SDK1: variants seen among roughly 807,000 people sequenced by gnomAD.
The protein encoded by SDK1 is sidekick cell adhesion molecule 1, also known as protein sidekick-1.
In SDK1, 157 loss-of-function variants were observed where a neutral mutation model predicts 245.5. That is an observed-to-expected ratio of 0.64 (90% CI 0.56 to 0.73). The LOEUF (loss-of-function observed/expected upper bound fraction) is 0.73, where lower values mean the gene tolerates loss of function less well. SDK1 is among the 30% of genes least tolerant of loss of function. The probability of loss-of-function intolerance (pLI) is 0.00; values close to 1 mark genes in which losing one functional copy is unlikely to be tolerated. For synonymous variants in SDK1, 1,647 were observed against 1,278.5 expected (o/e 1.29, Z -6.15); for missense variants, 3,583 against 3,002.3 (o/e 1.19, Z -4.52).
intron 19 of SDK1, among the ~76,000 whole-genome samples, chr7:4,067,270 G>T (rs1779967204): frequency 6.6e-6 from 1 of 152,194 alleles, no homozygotes; most frequent in East Asian, 1.9e-4. Flanking sequence ...GGGCCGCAGG[G>T]CACAGAAGCT....
intron 13 of SDK1, among the ~76,000 whole-genome samples, chr7:3,979,758 C>A (rs1480885746): frequency 6.6e-6 from 1 of 152,192 alleles, no homozygotes; most frequent in African/African-American, 2.4e-5. Context: ...GAGCCAGTTT[C>A]CAGGATGACT....
chr7:3,664,704 C>G (rs575351130), intron 4 of SDK1, among the ~76,000 whole-genome samples: 1 of 149,602 alleles, frequency 6.7e-6, no homozygotes, highest in Non-Finnish European at 1.5e-5. Flanking sequence ...TGTGCCACTG[C>G]ACTCCAGCCT....
chr7:3,502,084 T>G (rs1309733513), intron 1 of SDK1, among the ~76,000 whole-genome samples: 2 of 152,068 alleles, frequency 1.3e-5, no homozygotes, highest in East Asian at 3.8e-4. Flanking sequence ...TTAATATTAT[T>G]AGTGGGGTTT....
chr7:3,583,215 T>C (rs1487657652), intron 1 of SDK1, among the ~76,000 whole-genome samples: 1 of 152,238 alleles, frequency 6.6e-6, no homozygotes, highest in Non-Finnish European at 1.5e-5. Flanking sequence ...TTATCATTTA[T>C]GCCTGAGAGT....
intron 1 of SDK1, among the ~76,000 whole-genome samples, chr7:3,375,480 C>A (rs1781331961): frequency 6.6e-6 from 1 of 152,182 alleles, no homozygotes; most frequent in Non-Finnish European, 1.5e-5. Context: ...TGTATAGACT[C>A]TCCTTACATG....
chr7:3,838,771 C>G (rs997556392), intron 5 of SDK1, among the ~76,000 whole-genome samples: 2 of 152,166 alleles, frequency 1.3e-5, no homozygotes, highest in African/African-American at 4.8e-5. Flanking sequence ...ACTAGGAGAC[C>G]ATGCAGTGGG....
At chr7:3,352,770 T>C (rs568060288) in intron 1 of SDK1, among the ~76,000 whole-genome samples, 25 of 152,296 alleles carry the variant, frequency 1.6e-4, no homozygotes, top group African/African-American at 5.8e-4. Context: ...GAAACCCTTT[T>C]TTTTTCTCTT....
chr7:3,387,987 C>T (rs1295408990), intron 1 of SDK1, among the ~76,000 whole-genome samples: 1 of 152,174 alleles, frequency 6.6e-6, no homozygotes, highest in African/African-American at 2.4e-5. Context: ...AGTTGTTTAG[C>T]TCCATAGCTC....
intron 19 of SDK1, among the ~76,000 whole-genome samples, chr7:4,065,265 T>G (rs1442338371): frequency 6.6e-6 from 1 of 152,202 alleles, no homozygotes; most frequent in Non-Finnish European, 1.5e-5. Flanking sequence ...CTTTTCTCTT[T>G]AGCTGATGGT....
intron 1 of SDK1, among the ~76,000 whole-genome samples, chr7:3,580,047 C>T (rs1056651080): frequency 1.3e-5 from 2 of 152,112 alleles, no homozygotes; most frequent in African/African-American, 4.8e-5. Context: ...TCTCAATAGC[C>T]ACAAACATAA....
At position 3,754,960 on chromosome 7, in the gene SDK1, C is replaced by T. The variant is rs12113199; in HGVS notation, c.714-66490C>T. 8.3e-3 allele frequency among the ~76,000 whole-genome samples: 1,260 copies of T among 152,188 alleles called. 17 individuals are homozygous for T. The highest frequency in any genetic ancestry group is 0.028 in the African/African-American group (1,181 of 41,506). ...CATTACTGATTACGTCTCACTTGGG[C>T]GATGTTTTATCTAATTTCTGGAAAG... On this transcript the variant is annotated intron_variant, in intron 4 of 44. Transcript: ENST00000404826.
chr7:3,727,974 A>G (rs1197928940), intron 4 of SDK1, among the ~76,000 whole-genome samples: 5 of 152,114 alleles, frequency 3.3e-5, no homozygotes, highest in African/African-American at 4.8e-5. Context: ...AGTTTCTCCA[A>G]CTTTGCTCGT....
At chr7:3,568,914 A>G (rs375353782) in intron 1 of SDK1, among the ~76,000 whole-genome samples, 17 of 152,086 alleles carry the variant, frequency 1.1e-4, no homozygotes, top group Admixed American at 4.6e-4. Context: ...ATTATAGGCA[A>G]TTTGCTTTAG....
At chr7:4,078,971 A>G (rs1780880284) in intron 21 of SDK1, among the ~76,000 whole-genome samples, 1 of 152,124 alleles carries the variant, frequency 6.6e-6, no homozygotes, top group South Asian at 2.1e-4. Flanking sequence ...GTCGCCTGGG[A>G]GCAGGCGATC....
chr7:4,079,638 C>T (rs2128178569), intron 22 of SDK1, 54 bp downstream of exon 22: 3 of 1,604,454 alleles, frequency 1.9e-6, no homozygotes, highest in South Asian at 1.1e-5. Context: ...GTGTTGGGGC[C>T]TGTGAATGAG....
intron 4 of SDK1, among the ~76,000 whole-genome samples, chr7:3,656,839 C>T (rs1033486288): frequency 2.6e-5 from 4 of 152,098 alleles, no homozygotes; most frequent in South Asian, 2.1e-4. Flanking sequence ...GCTCCGCCTC[C>T]CGGGTTCACA....
chr7:3,703,080 AAT>A (rs1400467322), intron 4 of SDK1, among the ~76,000 whole-genome samples: 33 of 149,148 alleles, frequency 2.2e-4, no homozygotes, highest in Admixed American at 1.1e-3. Context: ...AAAAAAAAAA[AAT>A]GTATGCCGAC....
intron 41 of SDK1, among the ~76,000 whole-genome samples, chr7:4,236,764 G>A (rs1786192994): frequency 6.6e-6 from 1 of 152,152 alleles, no homozygotes; most frequent in Non-Finnish European, 1.5e-5. Context: ...TGGAATGTGA[G>A]TGCTGTGCGC....
intron 3 of SDK1, among the ~76,000 whole-genome samples, chr7:3,639,360 C>T (rs532139298): frequency 2.6e-5 from 4 of 152,212 alleles, no homozygotes; most frequent in Admixed American, 6.5e-5. Context: ...CTGGGGAGGA[C>T]GAAAAAGTGA....
Sources: gnomAD v4.1 joint callset for allele counts (sites outside exome capture counted in the v4.1 genomes callset) on GRCh38, gnomAD v4.1.1 for gene constraint, MANE v1.5 for transcripts, NCBI Gene and HGNC (gene_info 2026-07-23, HGNC 2026-07-21) for gene names.